SYNPO2: variants seen among roughly 807,000 people sequenced by gnomAD.
SYNPO2 encodes the protein synaptopodin-2.
SYNPO2 carries 56 observed loss-of-function variants against 85.0 expected under a neutral mutation model. The ratio of observed to expected loss-of-function variants is 0.66; its 90% confidence interval spans 0.53 to 0.82. The LOEUF (loss-of-function observed/expected upper bound fraction) is 0.82. Among genes scored for constraint, SYNPO2 ranks in the 40% least tolerant of loss-of-function variants. The pLI, the probability that SYNPO2 is intolerant of heterozygous loss-of-function variation, is 0.00. For missense variants in SYNPO2, 1,575 were observed against 1,534.2 expected, an observed-to-expected ratio of 1.03 and a Z score of -0.44; for synonymous variants, 602 against 591.1, an observed-to-expected ratio of 1.02 and a Z score of -0.27.
chr4:118,880,996 G>A (rs1334164084), intron 1 of SYNPO2, among the ~76,000 whole-genome samples: 1 of 151,628 alleles, frequency 6.6e-6, no homozygotes, highest in East Asian at 2.0e-4. Context: ...CAATATGACT[G>A]GTGTTCCTAT....
chr4:118,912,971 A>G (rs1733191276), intron 1 of SYNPO2, among the ~76,000 whole-genome samples: 1 of 152,180 alleles, frequency 6.6e-6, no homozygotes, highest in South Asian at 2.1e-4. Flanking sequence ...TAGAAGAGTT[A>G]TTTCAAGGCA....
At chr4:118,951,120 CAG>C (rs929956132) in intron 1 of SYNPO2, among the ~76,000 whole-genome samples, 2 of 152,172 alleles carry the variant, frequency 1.3e-5, no homozygotes, top group Non-Finnish European at 2.9e-5. Context: ...TCTATACAGA[CAG>C]TGTGTAACTG....
At chr4:118,984,547 A>ATT (rs1560945499) in intron 1 of SYNPO2, among the ~76,000 whole-genome samples, 1 of 152,098 alleles carries the variant, frequency 6.6e-6, no homozygotes, top group African/African-American at 2.4e-5. Flanking sequence ...ACAGGCCAGC[A>ATT]CTCTGGATTC....
At chr4:118,989,478 A>G (rs1736331116) in intron 1 of SYNPO2, among the ~76,000 whole-genome samples, 1 of 152,216 alleles carries the variant, frequency 6.6e-6, no homozygotes, top group Non-Finnish European at 1.5e-5. Context: ...CTCCCTAGCA[A>G]GCCTGAGGGC....
At chr4:119,043,676 G>A (rs1738787453) in intron 4 of SYNPO2, 1 of 152,170 alleles carries the variant, frequency 6.6e-6, no homozygotes, top group African/African-American at 2.4e-5. Flanking sequence ...AGTGGCTCAC[G>A]CCTGTAATCC....
At chr4:119,023,984 A>C (rs1229383144) in intron 2 of SYNPO2, among the ~76,000 whole-genome samples, 1 of 152,210 alleles carries the variant, frequency 6.6e-6, no homozygotes, top group Non-Finnish European at 1.5e-5. Flanking sequence ...TAAACTGTAC[A>C]ATTTTTCATT....
At chr4:118,867,033 G>T (rs1731708437) in intron 1 of SYNPO2, among the ~76,000 whole-genome samples, 2 of 151,834 alleles carry the variant, frequency 1.3e-5, no homozygotes, top group South Asian at 4.2e-4. Flanking sequence ...CTGAAACTTA[G>T]GGGCCAAATA....
intron 4 of SYNPO2, among the ~76,000 whole-genome samples, chr4:119,049,574 A>C (rs542186451): frequency 6.6e-6 from 1 of 152,216 alleles, no homozygotes; most frequent in African/African-American, 2.4e-5. Flanking sequence ...CTTCTAGGAC[A>C]GTTTACATTG....
chr4:119,030,846 A>T lies in SYNPO2; in HGVS notation c.2071A>T (p.Ser691Cys). 6.2e-7 allele frequency: 1 copy of T among 1,614,216 alleles called. No individual in the cohort carries two copies. The highest frequency in any genetic ancestry group is 8.5e-7 in the Non-Finnish European group (1 of 1,180,034). The stretch of plus-strand genomic sequence containing the variant: ...AATATTGCAGGAGGCCAAAAGGAGA[A>T]GCACGACAAAACCCATGTTTACTTT... ...TGILQEAKRRSTTKPMFTFKE... is the reference protein window; with the variant it reads ...TGILQEAKRRCTTKPMFTFKE... The change falls in exon 4 of 5, where the codon AGC becomes TGC. Residue 691 changes from serine to cysteine, a missense_variant. This residue lies in a region of SYNPO2 where 1,508 missense variants were observed against 1,446.8 expected (regional missense o/e 1.04). Coordinates refer to ENST00000307142, the MANE Select transcript of SYNPO2 (RefSeq NM_133477.3).
intron 1 of SYNPO2, among the ~76,000 whole-genome samples, chr4:119,013,957 A>G (rs533025356): frequency 1.3e-5 from 2 of 152,356 alleles, no homozygotes; most frequent in East Asian, 1.9e-4. Flanking sequence ...TGTGATATCA[A>G]AGAAGAATAT....
At chr4:119,053,242 G>T in intron 4 of SYNPO2, among the ~76,000 whole-genome samples, 1 of 152,002 alleles carries the variant, frequency 6.6e-6, no homozygotes, top group East Asian at 1.9e-4. Flanking sequence ...ATTGCTTTGG[G>T]GAAATACATT....
At position 119,030,000 on chromosome 4, in the gene SYNPO2, C is replaced by T. The variant is rs1299478582; in HGVS notation, c.1225C>T (p.Leu409=). Residue 409 remains leucine, a synonymous_variant, in exon 4 of 5, where the codon CTA becomes TTA. Transcript: ENST00000307142. ...ACGTCGGAGGGCCAGGAAATACACCCTAGTTAGCTACGGTACTGGCGAGCT... is the reference window on the plus strand; with the variant it reads ...ACGTCGGAGGGCCAGGAAATACACCTTAGTTAGCTACGGTACTGGCGAGCT... ...KRRRRARKYT[L]VSYGTGELER... 1.2e-6 allele frequency: 2 copies of T among 1,614,038 alleles called. No individual in the cohort carries two copies. The highest frequency in any genetic ancestry group is 8.5e-7 in the Non-Finnish European group (1 of 1,180,010).
intron 1 of SYNPO2, among the ~76,000 whole-genome samples, chr4:118,973,668 C>T (rs1289146532): frequency 1.3e-5 from 2 of 152,126 alleles, no homozygotes; most frequent in Non-Finnish European, 2.9e-5. Flanking sequence ...AATGCCAGTT[C>T]ATAGCCAAAA....
intron 1 of SYNPO2, among the ~76,000 whole-genome samples, chr4:118,878,323 C>G (rs192666050): frequency 6.6e-6 from 1 of 152,172 alleles, no homozygotes; most frequent in Admixed American, 6.5e-5. Context: ...ACCTGTAAAA[C>G]AAACTTGCAC....
intron 1 of SYNPO2, among the ~76,000 whole-genome samples, chr4:118,958,407 A>C (rs978504483): frequency 1.3e-5 from 2 of 152,160 alleles, no homozygotes; most frequent in African/African-American, 4.8e-5. Flanking sequence ...TCAGCTTTGT[A>C]CACCAAGTTA....
chr4:118,914,763 G>A (rs1733255331), intron 1 of SYNPO2, among the ~76,000 whole-genome samples: 2 of 151,962 alleles, frequency 1.3e-5, no homozygotes, highest in African/African-American at 4.8e-5. Flanking sequence ...TGAGAAAACA[G>A]GAAGAGTGAA....
chr4:118,924,319 A>G lies in SYNPO2; in HGVS notation c.105+35178A>G, dbSNP rs72671623. 7.4e-3 allele frequency among the ~76,000 whole-genome samples: 1,133 copies of G among 152,328 alleles called. 12 individuals carry two copies. Among genetic ancestry groups the G allele is most frequent in the Non-Finnish European group, 0.013 (885 of 68,026 alleles). ...CCGGAAAGGGTCAAATGTTAACAGT[A>G]TATTTTAAATGCAAAATACAGAAAC... On this transcript the variant is annotated intron_variant, in intron 1 of 4. Transcript: ENST00000307142.
At chr4:118,954,697 A>G (rs916663778) in intron 1 of SYNPO2, among the ~76,000 whole-genome samples, 2 of 152,146 alleles carry the variant, frequency 1.3e-5, no homozygotes, top group Admixed American at 6.5e-5. Flanking sequence ...CTGAAAAACC[A>G]TTGTCTAATA....
intron 1 of SYNPO2, among the ~76,000 whole-genome samples, chr4:119,005,110 G>A (rs1412462112): frequency 1.3e-5 from 2 of 152,100 alleles, no homozygotes; most frequent in Non-Finnish European, 2.9e-5. Flanking sequence ...TGAGTTCATT[G>A]TAGATTCTGG....
Sources: allele counts gnomAD v4.1 joint callset (sites outside exome capture counted in the v4.1 genomes callset), GRCh38; gene constraint gnomAD v4.1.1; regional missense constraint gnomAD v4.1.1; transcripts MANE v1.5; gene names NCBI Gene and HGNC (gene_info 2026-07-23, HGNC 2026-07-21).